DOK6: variants seen among roughly 807,000 people sequenced by gnomAD.
The protein encoded by DOK6 is docking protein 6.
DOK6 carries 22 observed loss-of-function variants against 44.0 expected under a neutral mutation model. The ratio of observed to expected loss-of-function variants is 0.50; its 90% CI spans 0.36 to 0.71. DOK6 has a LOEUF of 0.71. Among genes scored for constraint, DOK6 ranks in the 30% least tolerant of loss-of-function variants. The pLI, the probability that DOK6 is intolerant of heterozygous loss-of-function variation, is 0.00. For synonymous variants in DOK6, 166 were observed against 145.5 expected (o/e 1.14, Z -1.01); for missense variants, 340 against 416.4 (o/e 0.82, Z 1.60).
chr18:69,727,143 G>A (rs555700754), intron 5 of DOK6, among the ~76,000 whole-genome samples: 1 of 152,250 alleles, frequency 6.6e-6, no homozygotes, highest in East Asian at 1.9e-4. Context: ...ACAGGCATGA[G>A]CCACTGCACC....
intron 1 of DOK6, among the ~76,000 whole-genome samples, chr18:69,424,176 T>TA (rs1485962117): frequency 6.6e-6 from 1 of 152,190 alleles, no homozygotes; most frequent in Non-Finnish European, 1.5e-5. Context: ...GTTATATGCT[T>TA]AGAGGTGGAT....
Position 69,495,759 on chromosome 18 carries a change from G to A in DOK6, c.67-68728G>A, listed in dbSNP as rs1402894102. On this transcript the variant is annotated intron_variant, in intron 1 of 7. Transcript: ENST00000382713. ...GGCATCCAGGCTGTTCACGCCAAGA[G>A]GAGCCTGCAGGCCAGCACTGAACTA... Among the ~76,000 whole-genome samples the A allele has an allele frequency of 2.6e-5, 4 of 152,184 alleles. No homozygotes were observed. In the East Asian group the frequency reaches 7.7e-4, roughly 29 times the overall value.
intron 1 of DOK6, among the ~76,000 whole-genome samples, chr18:69,561,064 A>C (rs577357374): frequency 1.3e-5 from 2 of 152,316 alleles, no homozygotes; most frequent in African/African-American, 4.8e-5. Flanking sequence ...TGTCATGTGC[A>C]GAAAATTGTA....
chr18:69,438,644 A>C (rs551517189), intron 1 of DOK6, among the ~76,000 whole-genome samples: 4 of 152,182 alleles, frequency 2.6e-5, no homozygotes, highest in Non-Finnish European at 5.9e-5. Context: ...ACTTTACCCA[A>C]TTCCATCAGA....
At chr18:69,661,080 T>C (rs1232636235) in intron 3 of DOK6, 1 of 152,132 alleles carries the variant, frequency 6.6e-6, no homozygotes, top group Non-Finnish European at 1.5e-5. Flanking sequence ...TTATATCCTG[T>C]TTTTGTTCAT....
At chr18:69,533,834 C>T (rs759552742) in intron 1 of DOK6, among the ~76,000 whole-genome samples, 4 of 151,978 alleles carry the variant, frequency 2.6e-5, no homozygotes, top group Non-Finnish European at 5.9e-5. Flanking sequence ...TTTTAAATGT[C>T]ATTTATATCA....
intron 1 of DOK6, among the ~76,000 whole-genome samples, chr18:69,521,346 A>G (rs555398845): frequency 7.9e-5 from 12 of 151,974 alleles, no homozygotes; most frequent in Middle Eastern, 6.8e-3. Context: ...AGGAGAATAA[A>G]GAACCAATCA....
At chr18:69,432,709 C>T (rs1238302234) in intron 1 of DOK6, among the ~76,000 whole-genome samples, 1 of 152,026 alleles carries the variant, frequency 6.6e-6, no homozygotes, top group Non-Finnish European at 1.5e-5. Context: ...TGCATAGGAA[C>T]TTGTTTCCAG....
chr18:69,440,030 C>T (rs771031761), intron 1 of DOK6, among the ~76,000 whole-genome samples: 3 of 152,162 alleles, frequency 2.0e-5, no homozygotes, highest in Non-Finnish European at 4.4e-5. Flanking sequence ...AGATGTGCCA[C>T]TCTTTGTTTC....
rs1275162428 is a variant in DOK6 at position 69,838,226 on chromosome 18, G to A, written c.857-3018G>A. Among the ~76,000 whole-genome samples, 3 of 140,074 alleles carry A rather than the reference G, an allele frequency of 2.1e-5. No individual in the cohort carries two copies. In the East Asian group the frequency reaches 6.3e-4, roughly 30 times the overall value. 91.9% of individuals were successfully genotyped at this position (140,074 alleles called of 152,430 possible). ...TCAGCATTTGTTCTCTTTCAGATAT[G>A]TCTAAAACTTTAAAAAAAAAAAAAA... On this transcript the variant is annotated intron_variant, in intron 7 of 7. Transcript: ENST00000382713.
At chr18:69,521,482 A>G (rs1467610315) in intron 1 of DOK6, among the ~76,000 whole-genome samples, 1 of 151,550 alleles carries the variant, frequency 6.6e-6, no homozygotes, top group African/African-American at 2.4e-5. Context: ...GTTTATTTCC[A>G]TCTTTGCAAT....
intron 1 of DOK6, among the ~76,000 whole-genome samples, chr18:69,563,149 C>A (rs1982880446): frequency 6.6e-6 from 1 of 152,106 alleles, no homozygotes. Flanking sequence ...AGTCAGGAAA[C>A]AACAGGTGCT....
chr18:69,577,139 A>G (rs1401589077), intron 2 of DOK6, among the ~76,000 whole-genome samples: 1 of 152,136 alleles, frequency 6.6e-6, no homozygotes, highest in Non-Finnish European at 1.5e-5. Context: ...AAAGTTGGGG[A>G]AAATAAAGGC....
chr18:69,726,978 C>G (rs907496491), intron 5 of DOK6, among the ~76,000 whole-genome samples: 1 of 152,148 alleles, frequency 6.6e-6, no homozygotes, highest in African/African-American at 2.4e-5. Context: ...CTTCAGCCTC[C>G]CAAGTAGCTG....
chr18:69,659,995 A>G, intron 3 of DOK6: 1 of 147,538 alleles, frequency 6.8e-6, no homozygotes, highest in Non-Finnish European at 1.5e-5. Flanking sequence ...GAAAATCACA[A>G]ACCTAGTCAC....
At chr18:69,687,575 A>G (rs1986180105) in intron 4 of DOK6, among the ~76,000 whole-genome samples, 1 of 152,042 alleles carries the variant, frequency 6.6e-6, no homozygotes, top group Non-Finnish European at 1.5e-5. Context: ...CCAGCTACTC[A>G]GGAGGCTGAG....
At chr18:69,488,138 A>T (rs191613519) in intron 1 of DOK6, among the ~76,000 whole-genome samples, 4 of 151,572 alleles carry the variant, frequency 2.6e-5, no homozygotes, top group African/African-American at 7.3e-5. Flanking sequence ...TGTTTCTATG[A>T]CCTCTTCTTG....
At chr18:69,676,412 G>A (rs1195571520) in intron 3 of DOK6, among the ~76,000 whole-genome samples, 1 of 152,080 alleles carries the variant, frequency 6.6e-6, no homozygotes, top group Non-Finnish European at 1.5e-5. Flanking sequence ...AAATTTGATG[G>A]TGTTGACCAT....
rs73970242 is a variant in DOK6, at chr18:69,722,706, G to C, written c.600-16259G>C. The stretch of plus-strand genomic sequence containing the variant: ...TTGTAAATTAGATTTTCTTTGTCAT[G>C]TGTTTGCATTAACAGCAAAATACTT... On this transcript the variant is annotated intron_variant, in intron 5 of 7. Coordinates refer to ENST00000382713, the MANE Select transcript of DOK6 (RefSeq NM_152721.6). 3.8e-3 allele frequency among the ~76,000 whole-genome samples: 578 copies of C among 152,276 alleles called. 2 individuals are homozygous for C. The highest frequency in any genetic ancestry group is 0.013 in the African/African-American group (529 of 41,552).
Sources: allele counts gnomAD v4.1 joint callset (sites outside exome capture counted in the v4.1 genomes callset), GRCh38; gene constraint gnomAD v4.1.1; transcripts MANE v1.5; gene names NCBI Gene and HGNC (gene_info 2026-07-23, HGNC 2026-07-21).